SCNN1B: variants seen among roughly 807,000 people sequenced by gnomAD.
SCNN1B encodes epithelial sodium channel subunit beta.
In SCNN1B, 46 loss-of-function variants were observed where a neutral mutation model predicts 65.3. The observed-to-expected ratio is 0.70, with a 90% CI of 0.56 to 0.90. SCNN1B has a LOEUF of 0.90. SCNN1B is among the 40% of genes least tolerant of loss of function. The pLI, the probability that SCNN1B is intolerant of heterozygous loss-of-function variation, is 0.00. For missense variants in SCNN1B, 751 were observed against 830.5 expected, an observed-to-expected ratio of 0.90 and a Z score of 1.18; for synonymous variants, 349 against 330.6, an observed-to-expected ratio of 1.06 and a Z score of -0.60.
intron 1 of SCNN1B, among the ~76,000 whole-genome samples, chr16:23,344,045 G>A (rs1962135207): frequency 6.6e-6 from 1 of 152,226 alleles, no homozygotes; most frequent in African/African-American, 2.4e-5. Flanking sequence ...ACACACTTCT[G>A]TTATTTGCCT....
chr16:23,313,236 TC>T (rs1451122562), intron 1 of SCNN1B, among the ~76,000 whole-genome samples: 13 of 152,102 alleles, frequency 8.5e-5, no homozygotes, highest in Admixed American at 8.5e-4. Context: ...ACATCTCTCA[TC>T]CTCCAGTAAA....
chr16:23,363,053 T>C (rs572159962), intron 4 of SCNN1B, among the ~76,000 whole-genome samples: 1 of 152,316 alleles, frequency 6.6e-6, no homozygotes, highest in African/African-American at 2.4e-5. Flanking sequence ...CCTCCCCTCC[T>C]CCAGGAAACC....
intron 1 of SCNN1B, among the ~76,000 whole-genome samples, chr16:23,336,621 C>T (rs1014130922): frequency 3.3e-5 from 5 of 152,106 alleles, no homozygotes; most frequent in Non-Finnish European, 5.9e-5. Flanking sequence ...CTGCCCACCT[C>T]GGCCTCCCAA....
At chr16:23,289,941 G>T (rs1960900781) in intron 2 of SCNN1B, among the ~76,000 whole-genome samples, 1 of 152,060 alleles carries the variant, frequency 6.6e-6, no homozygotes, top group Non-Finnish European at 1.5e-5. Context: ...CTCCCAAAGT[G>T]CTGGGATTAC....
At chr16:23,350,360 G>A (rs974390264) in intron 2 of SCNN1B, among the ~76,000 whole-genome samples, 4 of 152,068 alleles carry the variant, frequency 2.6e-5, no homozygotes, top group Non-Finnish European at 5.9e-5. Flanking sequence ...CGGATTGCCC[G>A]TTCTCCATTC....
At chr16:23,305,574 ATAT>A (rs1567290462) in intron 1 of SCNN1B, among the ~76,000 whole-genome samples, 16 of 28,704 alleles carry the variant, frequency 5.6e-4, no homozygotes, top group Non-Finnish European at 7.8e-4. Context: ...ATATATATAT[ATAT>A]TATATATATA....
chr16:23,287,043 C>T (rs1960860990), intron 2 of SCNN1B, among the ~76,000 whole-genome samples: 1 of 146,086 alleles, frequency 6.8e-6, no homozygotes. Flanking sequence ...TTGCTCTTGT[C>T]ACCCAGGCTG....
chr16:23,279,392 C>T (rs1402624245), intron 1 of SCNN1B, among the ~76,000 whole-genome samples: 1 of 152,004 alleles, frequency 6.6e-6, no homozygotes, highest in African/African-American at 2.4e-5. Flanking sequence ...GGTCTGAAAC[C>T]TTAAAGATCA....
upstream of SCNN1B, among the ~76,000 whole-genome samples, chr16:23,300,532 T>C (rs972669650): frequency 5.9e-5 from 9 of 152,128 alleles, no homozygotes; most frequent in African/African-American, 2.2e-4. Flanking sequence ...CACTGATTTT[T>C]TTTTTTTGAA....
chr16:23,377,328 G>A lies in SCNN1B; in HGVS notation c.1347-1G>A. On this transcript the variant is annotated splice_acceptor_variant, in intron 9 of 12. Coordinates refer to ENST00000343070, the MANE Select transcript of SCNN1B (RefSeq NM_000336.3). LOFTEE classifies it high-confidence loss of function. The stretch of plus-strand genomic sequence containing the variant: ...ACAACAGGCCTGGCCTTCTCTTTCA[G>A]TGACACCCAGTACAAGATGACCATC... The A allele has an allele frequency of 6.2e-7, 1 of 1,614,216 alleles. No homozygotes were observed. Among genetic ancestry groups the A allele is most frequent in the Non-Finnish European group, 8.5e-7 (1 of 1,180,028 alleles).
intron 7 of SCNN1B, 134 bp from the exon 8 acceptor site, chr16:23,375,604 C>A (rs1199026575): frequency 5.2e-6 from 4 of 767,456 alleles, no homozygotes; most frequent in African/African-American, 3.4e-5. Flanking sequence ...AGCTTCTCAG[C>A]CCTGGAGCAC....
In SCNN1B at chr16:23,377,193, C is replaced by A; in HGVS notation, c.1299C>A (p.Ser433Arg). 4 of 1,614,190 alleles carry A rather than the reference C, an allele frequency of 2.5e-6. No homozygotes were observed. Among genetic ancestry groups the A allele is most frequent in the Non-Finnish European group, 3.4e-6 (4 of 1,180,014 alleles). Residue 433 changes from serine (S) to arginine (R), a missense_variant, in exon 9 of 13, where the codon AGC becomes AGA. Coordinates refer to ENST00000343070, the MANE Select transcript of SCNN1B (RefSeq NM_000336.3). ...WAHCYSDLQMSVAQRETCIGM... is the reference protein window; with the variant it reads ...WAHCYSDLQMRVAQRETCIGM... ...ATTGCTACTCAGATCTACAGATGAG[C>A]GTGGCGCAGAGAGAGACCTGCATTG...
chr16:23,372,287 T>C (rs558379086), intron 7 of SCNN1B: 3 of 299,586 alleles, frequency 1.0e-5, no homozygotes, highest in Admixed American at 8.5e-5. Flanking sequence ...AATATAGTAA[T>C]GACAGCAGCA....
chr16:23,321,358 A>G (rs2141994458), intron 1 of SCNN1B, among the ~76,000 whole-genome samples: 1 of 152,098 alleles, frequency 6.6e-6, no homozygotes, highest in African/African-American at 2.4e-5. Flanking sequence ...CTGGACTCTC[A>G]ACAGCATCAT....
At chr16:23,312,109 C>G (rs1349707830) in intron 1 of SCNN1B, among the ~76,000 whole-genome samples, 2 of 151,898 alleles carry the variant, frequency 1.3e-5, no homozygotes, top group Non-Finnish European at 2.9e-5. Context: ...TCTGGGGAGC[C>G]GATTCCTGTC....
intron 1 of SCNN1B, among the ~76,000 whole-genome samples, chr16:23,339,783 T>C (rs1173949216): frequency 6.6e-6 from 1 of 151,634 alleles, no homozygotes; most frequent in Non-Finnish European, 1.5e-5. Context: ...GGCCACGGAG[T>C]CTCAAACTCC....
In SCNN1B at chr16:23,353,454, G is replaced by C. The variant is rs565746641; in HGVS notation, c.585+380G>C. ...TCACTCTCAGGCAAGATCTCTCCATGTGGAGGGATCCCCTCAGTGCCCTTG... is the reference window on the plus strand; with the variant it reads ...TCACTCTCAGGCAAGATCTCTCCATCTGGAGGGATCCCCTCAGTGCCCTTG... On this transcript the variant is annotated intron_variant, in intron 3 of 12. Transcript: ENST00000343070. Among the ~76,000 whole-genome samples, 15 of 152,316 alleles carry C rather than the reference G, an allele frequency of 9.8e-5. No individual in the cohort carries two copies. The South Asian group carries it at 1.9e-3, about 19-fold the overall frequency.
At chr16:23,315,000 C>T (rs1201075243) in intron 1 of SCNN1B, among the ~76,000 whole-genome samples, 1 of 152,090 alleles carries the variant, frequency 6.6e-6, no homozygotes, top group Non-Finnish European at 1.5e-5. Flanking sequence ...CAGAGGTTGG[C>T]AGGAAATGGA....
chr16:23,381,003 T>C lies in SCNN1B; in HGVS notation c.*202T>C. 3.0e-6 allele frequency: 2 copies of C among 657,926 alleles called. No homozygotes were observed. Among genetic ancestry groups the C allele is most frequent in the Non-Finnish European group, 5.5e-6 (2 of 366,658 alleles). The allele number at this position is 657,926 out of a possible 1,614,324, so 40.8% of individuals were successfully genotyped here. ...GTAGAATCACGGTGCTGGTACAGGATGCAGGAATAAATTGTATCTTCACCT... is the reference window on the plus strand; with the variant it reads ...GTAGAATCACGGTGCTGGTACAGGACGCAGGAATAAATTGTATCTTCACCT... On this transcript the variant is annotated 3_prime_UTR_variant, in exon 13 of 13. Transcript: ENST00000343070.
Sources: allele counts gnomAD v4.1 joint callset (sites outside exome capture counted in the v4.1 genomes callset), GRCh38; gene constraint gnomAD v4.1.1; transcripts MANE v1.5; gene names NCBI Gene and HGNC (gene_info 2026-07-23, HGNC 2026-07-21).